The following ASXL1 variants were observed in gnomAD, a reference collection of about 807,000 sequenced individuals.
ASXL1 encodes ASXL transcriptional regulator 1.
A neutral mutation model predicts 89.1 loss-of-function variants in ASXL1; 65 were observed. That is an observed-to-expected ratio of 0.73 (90% CI 0.60 to 0.90). ASXL1 has a LOEUF of 0.90. Among genes scored for constraint, ASXL1 ranks in the 40% least tolerant of loss-of-function variants. ASXL1 has a pLI of 0.00. For missense variants in ASXL1, 1,786 were observed against 1,942.9 expected (o/e 0.92, Z 1.52); for synonymous variants, 739 against 746.9 (o/e 0.99, Z 0.17).
intron 4 of ASXL1, among the ~76,000 whole-genome samples, chr20:32,399,747 CTTTTTT>C (rs369127811): frequency 4.5e-4 from 33 of 73,888 alleles, no homozygotes; most frequent in African/African-American, 2.2e-3. Context: ...ATATTTTACT[CTTTTTT>C]TTTTTTTTTT....
At chr20:32,401,542 G>C (rs6058676) in intron 4 of ASXL1, among the ~76,000 whole-genome samples, 1 of 40,128 alleles carries the variant, frequency 2.5e-5, no homozygotes, top group Non-Finnish European at 5.1e-5. Context: ...GTGTGTGTGT[G>C]TGTTTTTTCC....
At chr20:32,409,753 A>G (rs1159948658) in intron 4 of ASXL1, among the ~76,000 whole-genome samples, 3 of 148,060 alleles carry the variant, frequency 2.0e-5, no homozygotes. Flanking sequence ...CCCTATCTTT[A>G]AAAAAAAAAC....
intron 4 of ASXL1, among the ~76,000 whole-genome samples, chr20:32,377,125 A>G (rs1359229942): frequency 1.9e-5 from 2 of 106,028 alleles, no homozygotes; most frequent in Non-Finnish European, 3.6e-5. Flanking sequence ...TAGATATATT[A>G]ATATAATATA....
chr20:32,419,601 GTTTTTGTTATAAATTATA>G (rs948908286), intron 4 of ASXL1, among the ~76,000 whole-genome samples: 50 of 150,918 alleles, frequency 3.3e-4, no homozygotes, highest in African/African-American at 8.8e-4. Context: ...ACTTACGTTC[GTTTTTGTTATAAATTATA>G]TTTTTGTTAT....
intron 4 of ASXL1, among the ~76,000 whole-genome samples, chr20:32,409,555 G>C (rs2049010243): frequency 6.6e-6 from 1 of 152,062 alleles, no homozygotes; most frequent in Admixed American, 6.5e-5. Context: ...AATTAATGTT[G>C]ATATGGTACT....
chr20:32,401,075 A>G (rs2048863192), intron 4 of ASXL1, among the ~76,000 whole-genome samples: 2 of 152,218 alleles, frequency 1.3e-5, no homozygotes. Flanking sequence ...CACTTCCCCC[A>G]TGATAACATT....
chr20:32,436,135 C>T lies in ASXL1; in HGVS notation c.3423C>T (p.Asp1141=). The change falls in exon 13 of 13, where the codon GAC becomes GAT. Residue 1141 remains aspartate, a synonymous_variant. Coordinates refer to ENST00000375687, the MANE Select transcript of ASXL1 (RefSeq NM_015338.6). ...CCCCACAAGTACCACTTACAAAAGA[C>T]CAGAGCCATGGCTCGCTACGCATGG... ...SESPQVPLTK[D]QSHGSLRMGS... is the part of the protein sequence containing the mutation. The T allele has an allele frequency of 6.2e-7, 1 of 1,614,072 alleles. No homozygotes were observed. Among genetic ancestry groups the T allele is most frequent in the East Asian group, 2.2e-5 (1 of 44,896 alleles).
chr20:32,438,804 A>T lies in ASXL1; in HGVS notation c.*1466A>T. The T allele has an allele frequency of 4.3e-6, 1 of 233,568 alleles. No homozygotes were observed. Among genetic ancestry groups the T allele is most frequent in the Non-Finnish European group, 8.5e-6 (1 of 118,044 alleles). 14.5% of individuals were successfully genotyped at this position (233,568 alleles called of 1,614,324 possible). On this transcript the variant is annotated 3_prime_UTR_variant, in exon 13 of 13. Coordinates refer to ENST00000375687, the MANE Select transcript of ASXL1 (RefSeq NM_015338.6). ...AGGCTCCTTTTGACGTACTTTTGACATCAGGCAGGTTTGGGAAGAAACAAA... is the reference window on the plus strand; with the variant it reads ...AGGCTCCTTTTGACGTACTTTTGACTTCAGGCAGGTTTGGGAAGAAACAAA...
At chr20:32,364,326 C>T (rs2122794204) in intron 1 of ASXL1, among the ~76,000 whole-genome samples, 1 of 152,072 alleles carries the variant, frequency 6.6e-6, no homozygotes, top group Admixed American at 6.6e-5. Flanking sequence ...GATGATTCTC[C>T]CACCTCAGCC....
intron 4 of ASXL1, among the ~76,000 whole-genome samples, chr20:32,370,965 T>TAA (rs776902032): frequency 0.041 from 3,549 of 87,276 alleles, 141 homozygotes; most frequent in Non-Finnish European, 0.05. Context: ...TTGTCTCTAT[T>TAA]AAAAAAAAAA....
chr20:32,425,032 C>G (rs2011234854), intron 4 of ASXL1, among the ~76,000 whole-genome samples: 2 of 151,902 alleles, frequency 1.3e-5, no homozygotes, highest in Admixed American at 1.3e-4. Context: ...TTCTTGCTTT[C>G]CTTTAGATTA....
intron 4 of ASXL1, among the ~76,000 whole-genome samples, chr20:32,423,035 C>T (rs1414916396): frequency 6.6e-6 from 1 of 152,026 alleles, no homozygotes; most frequent in African/African-American, 2.4e-5. Context: ...TAACCCATTT[C>T]GTTTTTGTCA....
chr20:32,398,569 T>C (rs1471922137), intron 4 of ASXL1, among the ~76,000 whole-genome samples: 1 of 151,744 alleles, frequency 6.6e-6, no homozygotes, highest in Non-Finnish European at 1.5e-5. Flanking sequence ...ATAGCGTATG[T>C]AGCCTTTTGT....
intron 4 of ASXL1, among the ~76,000 whole-genome samples, chr20:32,382,646 C>T (rs1183455199): frequency 1.3e-5 from 2 of 149,458 alleles, no homozygotes; most frequent in Non-Finnish European, 3.0e-5. Flanking sequence ...GTTAGCCAGG[C>T]GTGGTGGCTC....
At chr20:32,428,724 G>A (rs536203302) in intron 6 of ASXL1, 271 of 315,766 alleles carry the variant, frequency 8.6e-4, no homozygotes, top group Non-Finnish European at 1.4e-3. Flanking sequence ...GCAGTGGCAT[G>A]ATCTCCGCTT....
intron 1 of ASXL1, among the ~76,000 whole-genome samples, chr20:32,364,504 C>G (rs1189805663): frequency 6.6e-6 from 1 of 152,184 alleles, no homozygotes; most frequent in East Asian, 1.9e-4. Flanking sequence ...AGGTGTGACC[C>G]ACTTTACCCA....
chr20:32,366,434 G>A lies in ASXL1; in HGVS notation c.108G>A (p.Gln36=), dbSNP rs2122811348. Residue 36 remains glutamine (Q), a synonymous_variant, in exon 2 of 13, where the codon CAG becomes CAA. Transcript: ENST00000375687. ...DAPMTPKQIL[Q]VIEAEGLKEM... ...CAATGACACCAAAACAGATTCTGCA[G>A]GTCATAGAGGCAGAAGGACTAAAGG... The A allele has an allele frequency of 1.2e-6, 2 of 1,613,976 alleles. No homozygotes were observed.
rs368023328 is a variant in ASXL1, at chr20:32,369,126, A to G, written c.252+3A>G. Reference sequence around the variant, plus strand: ...GAATCAGCCTTTTCACGCTCAAGGTAAGTGATATGAACTCTCTTTTGGTGC... The same window carrying G: ...GAATCAGCCTTTTCACGCTCAAGGTGAGTGATATGAACTCTCTTTTGGTGC... On this transcript the variant is annotated splice_donor_region_variant and intron_variant, in intron 4 of 12. Coordinates refer to ENST00000375687, the MANE Select transcript of ASXL1 (RefSeq NM_015338.6). 6.3e-7 allele frequency: 1 copy of G among 1,595,276 alleles called. No individual in the cohort carries two copies. The highest frequency in any genetic ancestry group is 8.6e-7 in the Non-Finnish European group (1 of 1,162,788).
At chr20:32,426,610 A>C (rs2011312890) in intron 4 of ASXL1, among the ~76,000 whole-genome samples, 1 of 118,290 alleles carries the variant, frequency 8.5e-6, no homozygotes, top group Non-Finnish European at 1.6e-5. Context: ...GCCAGGCTGG[A>C]GTGCAGTGGC....
Sources: gnomAD v4.1 joint callset for allele counts (sites outside exome capture counted in the v4.1 genomes callset) on GRCh38, gnomAD v4.1.1 for gene constraint, MANE v1.5 for transcripts, NCBI Gene and HGNC (gene_info 2026-07-23, HGNC 2026-07-21) for gene names.